The following OR4N5 variants were observed in gnomAD, a reference collection of about 807,000 sequenced individuals.
The protein encoded by OR4N5 is olfactory receptor family 4 subfamily N member 5.
For synonymous variants in OR4N5, 155 were observed against 140.6 expected, an observed-to-expected ratio of 1.10 and a Z score of -0.72; for missense variants, 428 against 370.0, an observed-to-expected ratio of 1.16 and a Z score of -1.29.
Position 20,144,596 on chromosome 14 carries a change from T to A in OR4N5, c.861T>A (p.Tyr287Ter), listed in dbSNP as rs534665307. Residue 287 changes from tyrosine (Y) to a stop codon, truncating the protein, a stop_gained, in exon 3 of 3, where the codon TAT (tyrosine) becomes TAA (stop). Transcript: ENST00000641086. LOFTEE classifies it low-confidence loss of function (END_TRUNC). Reference protein sequence around the residue: ...VIFPLMNPVIYTLRNQEVKAS... With the variant: ...VIFPLMNPVI Reference sequence around the variant, plus strand: ...TTCCTTTGATGAACCCTGTTATTTATACGCTTCGCAACCAGGAGGTGAAAG... The same window carrying A: ...TTCCTTTGATGAACCCTGTTATTTAAACGCTTCGCAACCAGGAGGTGAAAG... The A allele has an allele frequency of 6.2e-7, 1 of 1,613,842 alleles. No homozygotes were observed. Among genetic ancestry groups the A allele is most frequent in the African/African-American group, 1.3e-5 (1 of 75,028 alleles).
At chr14:20,139,279 A>G (rs190574379) in intron 1 of OR4N5, among the ~76,000 whole-genome samples, 1 of 152,244 alleles carries the variant, frequency 6.6e-6, no homozygotes, top group East Asian at 1.9e-4. Flanking sequence ...AGGAATCACA[A>G]TCAGTCAAAA....
rs1257332717 is a variant in OR4N5 at position 20,144,243 on chromosome 14, G to A, written c.508G>A (p.Gly170Ser). The A allele has an allele frequency of 1.2e-6, 2 of 1,613,958 alleles. No homozygotes were observed. The highest frequency in any genetic ancestry group is 1.7e-5 in the Admixed American group (1 of 59,978). ...CCTTATCCTGCACTTGCCTTTCTGT[G>A]GCCCAAACCAGCTCGATAACTTCTT... is the stretch of plus-strand genomic sequence containing the variant. ...VALILHLPFC[G>S]PNQLDNFFCD... The change falls in exon 3 of 3, where the codon GGC becomes AGC. Residue 170 changes from glycine (G) to serine (S), a missense_variant. Transcript: ENST00000641086.
chr14:20,143,817 T>C lies in OR4N5; in HGVS notation c.82T>C (p.Phe28Leu), dbSNP rs1566559643. The change falls in exon 3 of 3, where the codon TTT becomes CTT. Residue 28 changes from phenylalanine (F) to leucine (L), a missense_variant. Coordinates refer to ENST00000641086, the MANE Select transcript of OR4N5 (RefSeq NM_001004724.2). ...GTCTCAAGATGCTCAACTTCTGGTC[T>C]TTGTGCTAGTCTTAATTTTCTACCT... Reference protein sequence around the residue: ...TQSQDAQLLVFVLVLIFYLII... With the variant: ...TQSQDAQLLVLVLVLIFYLII... 13 of 1,613,934 alleles carry C rather than the reference T, an allele frequency of 8.1e-6. No homozygotes were observed. Among genetic ancestry groups the C allele is most frequent in the East Asian group, 6.7e-5 (3 of 44,882 alleles).
Position 20,144,569 on chromosome 14 carries a change from C to T in OR4N5, c.834C>T (p.Ile278=), listed in dbSNP as rs1280876441. Residue 278 remains isoleucine (I), a synonymous_variant, in exon 3 of 3, where the codon ATC becomes ATT. Transcript: ENST00000641086. ...TAGTTTCTCTTTTCCATACTGTCAT[C>T]TTTCCTTTGATGAACCCTGTTATTT... The part of the protein sequence containing the change: ...DKVVSLFHTV[I]FPLMNPVIYT... 1 of 1,613,856 alleles carries T rather than the reference C, an allele frequency of 6.2e-7. No homozygotes were observed. Among genetic ancestry groups the T allele is most frequent in the Non-Finnish European group, 8.5e-7 (1 of 1,179,896 alleles).
rs745648480 is a variant in OR4N5 at position 20,143,954 on chromosome 14, C to T, written c.219C>T (p.Tyr73=). ...ACTTGGCCTTACTGGATGCATCCTA[C>T]TCCTTCATTGTGGTTCCCAGGATGT... is the stretch of plus-strand genomic sequence containing the variant. The part of the protein sequence containing the change: ...LGNLALLDAS[Y]SFIVVPRMLV... The change falls in exon 3 of 3, where the codon TAC becomes TAT. Residue 73 remains tyrosine (Y), a synonymous_variant. Transcript: ENST00000641086. The T allele has an allele frequency of 8.5e-5, 137 of 1,614,090 alleles. No homozygotes were observed. The Middle Eastern group carries it at 1.7e-3, about 19-fold the overall frequency.
Position 20,141,076 on chromosome 14 carries a change from C to T in OR4N5, c.-147C>T, listed in dbSNP as rs781546308. The T allele has an allele frequency of 5.9e-5, 9 of 151,996 alleles. No individual in the cohort carries two copies. Among genetic ancestry groups the T allele is most frequent in the Non-Finnish European group, 1.2e-4 (8 of 68,000 alleles). The allele number at this position is 151,996 out of a possible 1,614,324, so 9.4% of individuals were successfully genotyped here. On this transcript the variant is annotated 5_prime_UTR_variant, in exon 2 of 3. It adds an upstream start codon to the 5' untranslated region. Coordinates refer to ENST00000641086, the MANE Select transcript of OR4N5 (RefSeq NM_001004724.2). Reference sequence around the variant, plus strand: ...CATCTGTTAGTTAACAGAAAATAGACGGAAATAGTAGAAAATAAAAGCAAA... The same window carrying T: ...CATCTGTTAGTTAACAGAAAATAGATGGAAATAGTAGAAAATAAAAGCAAA...
At chr14:20,142,522 T>C (rs1006251120) in intron 2 of OR4N5, among the ~76,000 whole-genome samples, 1 of 152,184 alleles carries the variant, frequency 6.6e-6, no homozygotes, top group African/African-American at 2.4e-5. Flanking sequence ...ACACATCTAA[T>C]TTTGGAGATT....
Position 20,144,072 on chromosome 14 carries a change from T to C in OR4N5, c.337T>C (p.Phe113Leu). The C allele has an allele frequency of 6.2e-7, 1 of 1,614,114 alleles. No individual in the cohort carries two copies. The highest frequency in any genetic ancestry group is 8.5e-7 in the Non-Finnish European group (1 of 1,179,986). Reference protein sequence around the residue: ...FLHFLGAGEMFLLVVMAFDRY... With the variant: ...FLHFLGAGEMLLLVVMAFDRY... ...GCATTTTCTTGGAGCGGGAGAGATG[T>C]TCCTCCTCGTTGTGATGGCCTTTGA... Residue 113 changes from phenylalanine (F) to leucine (L), a missense_variant, in exon 3 of 3, where the codon TTC (phenylalanine) becomes CTC (leucine). Coordinates refer to ENST00000641086, the MANE Select transcript of OR4N5 (RefSeq NM_001004724.2).
chr14:20,144,647 A>G lies in OR4N5; in HGVS notation c.912A>G (p.Gln304=). 1 of 1,607,142 alleles carries G rather than the reference A, an allele frequency of 6.2e-7. No individual in the cohort carries two copies. The highest frequency in any genetic ancestry group is 8.5e-7 in the Non-Finnish European group (1 of 1,177,138). The change falls in exon 3 of 3, where the codon CAA becomes CAG. Residue 304 remains glutamine (Q), a synonymous_variant. Transcript: ENST00000641086. ...CTTCCATGAGGAAGTTGTTAAGTCAACATATGTTTTGCTGAATAGAAGAAA... is the reference window on the plus strand; with the variant it reads ...CTTCCATGAGGAAGTTGTTAAGTCAGCATATGTTTTGCTGAATAGAAGAAA... ...VKASMRKLLS[Q]HMFC
At chr14:20,142,763 C>G (rs1484598495) in intron 2 of OR4N5, among the ~76,000 whole-genome samples, 1 of 152,106 alleles carries the variant, frequency 6.6e-6, no homozygotes, top group Non-Finnish European at 1.5e-5. Flanking sequence ...GAAAAGAAAA[C>G]TCATTGCAAG....
rs1259531211 is a variant in OR4N5 at position 20,143,657 on chromosome 14, A to C, written c.-11-68A>C. On this transcript the variant is annotated intron_variant, in intron 2 of 2. Coordinates refer to ENST00000641086, the MANE Select transcript of OR4N5 (RefSeq NM_001004724.2). Reference sequence around the variant, plus strand: ...TGGGACAAATAATGTTCTTATCTGGAGAGGAGATAGAAAACAGATGAAAAG... The same window carrying C: ...TGGGACAAATAATGTTCTTATCTGGCGAGGAGATAGAAAACAGATGAAAAG... 3 of 1,019,854 alleles carry C rather than the reference A, an allele frequency of 2.9e-6. No individual in the cohort carries two copies. The Admixed American group carries it at 6.8e-5, about 23-fold the overall frequency. 63.2% of individuals were successfully genotyped at this position (1,019,854 alleles called of 1,614,324 possible). A position where few individuals can be genotyped will look rare whatever the true frequency, so the allele number is the denominator to read the frequency against.
intron 1 of OR4N5, among the ~76,000 whole-genome samples, chr14:20,139,979 A>T (rs538688077): frequency 6.6e-6 from 1 of 152,316 alleles, no homozygotes; most frequent in Non-Finnish European, 1.5e-5. Flanking sequence ...TTAATGAGTG[A>T]TTCAGACTCA....
Position 20,145,111 on chromosome 14 carries a change from A to G in OR4N5, c.*449A>G. 6.3e-6 allele frequency: 1 copy of G among 158,854 alleles called. No individual in the cohort carries two copies. The highest frequency in any genetic ancestry group is 1.4e-5 in the Non-Finnish European group (1 of 72,408). The allele number at this position is 158,854 out of a possible 1,614,324, so 9.8% of individuals were successfully genotyped here. A position where few individuals can be genotyped will look rare whatever the true frequency, so the allele number is the denominator to read the frequency against. On this transcript the variant is annotated 3_prime_UTR_variant, in exon 3 of 3. Transcript: ENST00000641086. ...CTGGGGACAGAAATTCTAGGCAAAA[A>G]GGCTGACTAGTACAAGAATCCAAAG...
Position 20,144,189 on chromosome 14 carries a change from G to A in OR4N5, c.454G>A (p.Gly152Ser). The A allele has an allele frequency of 6.2e-7, 1 of 1,614,098 alleles. No homozygotes were observed. Among genetic ancestry groups the A allele is most frequent in the Non-Finnish European group, 8.5e-7 (1 of 1,179,996 alleles). ...ATTATCGTTGGTTCTGTGGCTTGGG[G>A]GCTTTATCCATTCCATTGTACAAGT... ...YALSLVLWLG[G>S]FIHSIVQVAL... The change falls in exon 3 of 3, where the codon GGC (glycine) becomes AGC (serine). Residue 152 changes from glycine to serine, a missense_variant. Transcript: ENST00000641086.
In OR4N5 at chr14:20,143,781, G is replaced by T; in HGVS notation, c.46G>T (p.Gly16Cys). The change falls in exon 3 of 3, where the codon GGT (glycine) becomes TGT (cysteine). Residue 16 changes from glycine (G) to cysteine (C), a missense_variant. Coordinates refer to ENST00000641086, the MANE Select transcript of OR4N5 (RefSeq NM_001004724.2). ...LTVVTEFILL[G>C]LTQSQDAQLL... ...AGTGGTGACAGAATTCATTCTTCTT[G>T]GTCTGACCCAGTCTCAAGATGCTCA... is the stretch of plus-strand genomic sequence containing the variant. 1.2e-6 allele frequency: 2 copies of T among 1,613,560 alleles called. No homozygotes were observed. Among genetic ancestry groups the T allele is most frequent in the Non-Finnish European group, 1.7e-6 (2 of 1,179,738 alleles).
Position 20,144,490 on chromosome 14 carries a change from G to A in OR4N5, c.755G>A (p.Gly252Glu). The change falls in exon 3 of 3, where the codon GGA (glycine) becomes GAA (glutamate). Residue 252 changes from glycine (G) to glutamate (E), a missense_variant. Coordinates refer to ENST00000641086, the MANE Select transcript of OR4N5 (RefSeq NM_001004724.2). Reference sequence around the variant, plus strand: ...ATTATCATTATATTTCTCATGTTTGGACCTGCTATTTTCATCTACACTTGC... The same window carrying A: ...ATTATCATTATATTTCTCATGTTTGAACCTGCTATTTTCATCTACACTTGC... Reference protein sequence around the residue: ...THIIIIFLMFGPAIFIYTCPF... With the variant: ...THIIIIFLMFEPAIFIYTCPF... 1 of 1,613,812 alleles carries A rather than the reference G, an allele frequency of 6.2e-7. No homozygotes were observed.
chr14:20,140,791 A>C (rs1878601140), intron 1 of OR4N5, 52 bp from the exon 2 acceptor site: 1 of 152,130 alleles, frequency 6.6e-6, no homozygotes, highest in African/African-American at 2.4e-5. Flanking sequence ...ACCATCATTT[A>C]GGTTTCTGTC....
chr14:20,144,565 T>C lies in OR4N5; in HGVS notation c.830T>C (p.Val277Ala). ...ADKVVSLFHT[V>A]IFPLMNPVIY... ...AAGGTAGTTTCTCTTTTCCATACTG[T>C]CATCTTTCCTTTGATGAACCCTGTT... The change falls in exon 3 of 3, where the codon GTC becomes GCC. Residue 277 changes from valine to alanine, a missense_variant. By Grantham distance (64) the Val-to-Ala change is moderately conservative. Transcript: ENST00000641086. 1 of 1,613,980 alleles carries C rather than the reference T, an allele frequency of 6.2e-7. No individual in the cohort carries two copies. Among genetic ancestry groups the C allele is most frequent in the Non-Finnish European group, 8.5e-7 (1 of 1,179,868 alleles).
chr14:20,143,698 A>T lies in OR4N5; in HGVS notation c.-11-27A>T, dbSNP rs368666584. 3.5e-6 allele frequency: 5 copies of T among 1,429,820 alleles called. No homozygotes were observed. In the Admixed American group the frequency reaches 9.9e-5, roughly 28 times the overall value. The allele number at this position is 1,429,820 out of a possible 1,614,324, so 88.6% of individuals were successfully genotyped here. A position where few individuals can be genotyped will look rare whatever the true frequency, so the allele number is the denominator to read the frequency against. On this transcript the variant is annotated intron_variant, in intron 2 of 2. Transcript: ENST00000641086. ...AGATGAAAAGGTGGTTATAACAGAT[A>T]ACAATTTGCCCTATTTTATTCTGCA... is the stretch of plus-strand genomic sequence containing the variant.
Sources: allele counts gnomAD v4.1 joint callset (sites outside exome capture counted in the v4.1 genomes callset), GRCh38; gene constraint gnomAD v4.1.1; transcripts MANE v1.5; gene names NCBI Gene and HGNC (gene_info 2026-07-23, HGNC 2026-07-21).